PDE7A: variants seen among roughly 807,000 people sequenced by gnomAD.
PDE7A encodes high affinity 3',5'-cyclic-AMP phosphodiesterase 7A.
A neutral mutation model predicts 64.3 loss-of-function variants in PDE7A; 39 were observed. The ratio of observed to expected loss-of-function variants is 0.61; its 90% CI spans 0.47 to 0.79. The LOEUF is 0.79. Ranked by LOEUF, PDE7A falls within the 30% of genes least tolerant of loss-of-function variation. The pLI is 0.00. For missense variants in PDE7A, 470 were observed against 582.8 expected (o/e 0.81, Z 1.99); for synonymous variants, 203 against 206.8 (o/e 0.98, Z 0.16).
intron 1 of PDE7A, among the ~76,000 whole-genome samples, chr8:65,784,822 G>A (rs1023859738): frequency 6.6e-6 from 1 of 151,574 alleles, no homozygotes; most frequent in East Asian, 1.9e-4. Context: ...TATTCACAAG[G>A]TTAAAAAAAA....
At chr8:65,767,208 A>G (rs1281666306) in intron 3 of PDE7A, among the ~76,000 whole-genome samples, 3 of 152,244 alleles carry the variant, frequency 2.0e-5, no homozygotes, top group Non-Finnish European at 4.4e-5. Flanking sequence ...CAAAGAGGTT[A>G]AACATGAAGC....
chr8:65,766,856 A>G (rs1808810692), intron 3 of PDE7A, among the ~76,000 whole-genome samples: 1 of 152,194 alleles, frequency 6.6e-6, no homozygotes. Flanking sequence ...AATGGGTGTA[A>G]TACTTAGATA....
chr8:65,764,004 T>C (rs957347293), intron 3 of PDE7A, among the ~76,000 whole-genome samples: 3 of 152,258 alleles, frequency 2.0e-5, no homozygotes, highest in African/African-American at 4.8e-5. Context: ...GGTTCTTAAA[T>C]GTAGGCACTT....
intron 1 of PDE7A, among the ~76,000 whole-genome samples, chr8:65,829,487 C>T (rs1303507145): frequency 1.3e-5 from 2 of 152,060 alleles, no homozygotes; most frequent in Non-Finnish European, 2.9e-5. Flanking sequence ...ATATGCCACC[C>T]AAATAATGTC....
intron 3 of PDE7A, among the ~76,000 whole-genome samples, chr8:65,772,939 C>T (rs1188472582): frequency 3.3e-5 from 5 of 152,004 alleles, no homozygotes; most frequent in Admixed American, 1.3e-4. Context: ...ACCTGGGAGA[C>T]GGAGGCTGCA....
intron 3 of PDE7A, among the ~76,000 whole-genome samples, chr8:65,768,638 A>G (rs145740669): frequency 2.4e-4 from 37 of 152,304 alleles, no homozygotes; most frequent in African/African-American, 7.7e-4. Context: ...TCTTACTGAT[A>G]CTTGTATTCT....
Position 65,827,401 on chromosome 8 carries a change from CAT to C in PDE7A, c.138+13968_138+13969del, listed in dbSNP as rs536171616. Reference sequence around the variant, plus strand: ...TTTTAGATTTTACGAACGTATTAGGCATATAGAGACCCTCAAATATTTTAGTA... The same window carrying C: ...TTTTAGATTTTACGAACGTATTAGGCATAGAGACCCTCAAATATTTTAGTA... On this transcript the variant is annotated intron_variant, in intron 1 of 12. Transcript: ENST00000401827. 2.0e-5 allele frequency among the ~76,000 whole-genome samples: 3 copies of C among 152,246 alleles called. No homozygotes were observed. In the South Asian group the frequency reaches 6.2e-4, roughly 32 times the overall value.
At chr8:65,744,797 G>A (rs1807598026) in intron 5 of PDE7A, among the ~76,000 whole-genome samples, 1 of 152,240 alleles carries the variant, frequency 6.6e-6, no homozygotes. Flanking sequence ...AATCTGCCAA[G>A]TCATGATGAT....
intron 1 of PDE7A, among the ~76,000 whole-genome samples, chr8:65,792,042 T>A (rs1809716314): frequency 6.6e-6 from 1 of 152,192 alleles, no homozygotes; most frequent in African/African-American, 2.4e-5. Context: ...ATAACTTAGA[T>A]AATTCTCCTA....
intron 1 of PDE7A, among the ~76,000 whole-genome samples, chr8:65,787,779 C>T (rs1809599679): frequency 7.1e-6 from 1 of 141,066 alleles, no homozygotes; most frequent in African/African-American, 2.8e-5. Flanking sequence ...CTCATCTCTA[C>T]AGGGGGGGGA....
chr8:65,720,705 T>C (rs555670989), intron 12 of PDE7A: 3 of 152,342 alleles, frequency 2.0e-5, no homozygotes, highest in Non-Finnish European at 4.4e-5. Flanking sequence ...CAGCAGTGAA[T>C]AAGACAGACA....
chr8:65,735,233 C>T (rs954692272), intron 6 of PDE7A, among the ~76,000 whole-genome samples: 5 of 152,154 alleles, frequency 3.3e-5, no homozygotes, highest in Admixed American at 6.5e-5. Flanking sequence ...ACACAATCGC[C>T]GAGTGAGCGG....
chr8:65,824,905 T>C (rs1353964499), intron 1 of PDE7A, among the ~76,000 whole-genome samples: 1 of 152,182 alleles, frequency 6.6e-6, no homozygotes, highest in East Asian at 1.9e-4. Context: ...ATATCTGAGG[T>C]ATGCCTATAG....
intron 6 of PDE7A, 145 bp downstream of exon 6, chr8:65,739,357 C>A: frequency 1.1e-6 from 1 of 916,088 alleles, no homozygotes; most frequent in Non-Finnish European, 1.5e-6. Flanking sequence ...GATGCAAGAG[C>A]TAAATAACTG....
intron 1 of PDE7A, among the ~76,000 whole-genome samples, chr8:65,822,390 T>C (rs1419089776): frequency 6.6e-6 from 1 of 152,086 alleles, no homozygotes; most frequent in African/African-American, 2.4e-5. Context: ...GGGATGGCAT[T>C]GTGGGAAGGA....
intron 1 of PDE7A, among the ~76,000 whole-genome samples, chr8:65,822,099 G>A (rs563398287): frequency 2.0e-5 from 3 of 152,120 alleles, no homozygotes; most frequent in African/African-American, 7.2e-5. Flanking sequence ...CAAAGGTAAG[G>A]GCTGCCTATA....
At chr8:65,785,199 G>A (rs1809516769) in intron 1 of PDE7A, among the ~76,000 whole-genome samples, 1 of 152,026 alleles carries the variant, frequency 6.6e-6, no homozygotes, top group Non-Finnish European at 1.5e-5. Context: ...TTCAAACAAA[G>A]ATAAAATTCT....
chr8:65,765,266 G>C (rs888050510), intron 3 of PDE7A, among the ~76,000 whole-genome samples: 29 of 151,820 alleles, frequency 1.9e-4, no homozygotes, highest in African/African-American at 6.3e-4. Flanking sequence ...GAGGCGGGCG[G>C]ATCACGAGGT....
chr8:65,785,023 A>C (rs533328695), intron 1 of PDE7A, among the ~76,000 whole-genome samples: 2 of 152,268 alleles, frequency 1.3e-5, no homozygotes, highest in South Asian at 2.1e-4. Flanking sequence ...TTGAAAATTT[A>C]CTGAAAGCCC....
Sources: gnomAD v4.1 joint callset for allele counts (sites outside exome capture counted in the v4.1 genomes callset) on GRCh38, gnomAD v4.1.1 for gene constraint, MANE v1.5 for transcripts, NCBI Gene and HGNC (gene_info 2026-07-23, HGNC 2026-07-21) for gene names.